Variants in ROBO2 observed in about 807,000 individuals in gnomAD.
ROBO2 encodes roundabout homolog 2.
A neutral mutation model predicts 160.8 loss-of-function variants in ROBO2; 53 were observed. The observed-to-expected ratio is 0.33, with a 90% CI of 0.26 to 0.41. ROBO2 has a LOEUF of 0.41. Among genes scored for constraint, ROBO2 ranks in the 10% least tolerant of loss-of-function variants. The pLI is 1.00. For missense variants in ROBO2, 1,577 were observed against 1,722.4 expected, an observed-to-expected ratio of 0.92 and a Z score of 1.49; for synonymous variants, 664 against 611.7, an observed-to-expected ratio of 1.09 and a Z score of -1.26.
chr3:76,982,497 G>A (rs1274944400), intron 2 of ROBO2, among the ~76,000 whole-genome samples: 2 of 152,086 alleles, frequency 1.3e-5, no homozygotes, highest in African/African-American at 4.8e-5. Context: ...TTTTGAAATT[G>A]AGAAATGTGA....
intron 2 of ROBO2, among the ~76,000 whole-genome samples, chr3:76,593,254 G>A (rs1293646417): frequency 6.6e-6 from 1 of 152,004 alleles, no homozygotes; most frequent in Admixed American, 6.6e-5. Flanking sequence ...TAAGAATGCT[G>A]TAATCCCAGC....
chr3:76,895,149 A>G (rs1290918969), intron 2 of ROBO2, among the ~76,000 whole-genome samples: 2 of 151,794 alleles, frequency 1.3e-5, no homozygotes, highest in Non-Finnish European at 2.9e-5. Context: ...CTTCTTTCTT[A>G]CATTCTCTTG....
chr3:76,771,235 G>A lies in ROBO2; in HGVS notation c.110-326779G>A, dbSNP rs79427898. 4.4e-4 allele frequency among the ~76,000 whole-genome samples: 67 copies of A among 151,258 alleles called. No homozygotes were observed. The East Asian group carries it at 0.012, about 27-fold the overall frequency. ...GACACAAAAAAAGAGTACAAAACAT[G>A]CCACCGATGATCTTCTTACATTGAT... On this transcript the variant is annotated intron_variant, in intron 2 of 26. Transcript: ENST00000487694.
intron 2 of ROBO2, among the ~76,000 whole-genome samples, chr3:76,993,795 C>T (rs1236819404): frequency 6.6e-6 from 1 of 151,976 alleles, no homozygotes; most frequent in Admixed American, 6.6e-5. Flanking sequence ...ATATTTATCT[C>T]CAAATACCCA....
intron 5 of ROBO2, among the ~76,000 whole-genome samples, chr3:77,517,936 G>C (rs1307979657): frequency 6.6e-6 from 1 of 151,458 alleles, no homozygotes; most frequent in Non-Finnish European, 1.5e-5. Context: ...TCTACTAAGA[G>C]TCTTGGAACA....
chr3:76,653,589 T>C (rs191283961), intron 2 of ROBO2, among the ~76,000 whole-genome samples: 2 of 152,172 alleles, frequency 1.3e-5, no homozygotes, highest in Non-Finnish European at 2.9e-5. Flanking sequence ...TTTTTTTAAA[T>C]TATACACACA....
At chr3:76,918,032 C>A (rs1235626897) in intron 2 of ROBO2, among the ~76,000 whole-genome samples, 1 of 152,042 alleles carries the variant, frequency 6.6e-6, no homozygotes, top group Non-Finnish European at 1.5e-5. Flanking sequence ...GGGCCCTGTG[C>A]AAAATGAAAG....
intron 2 of ROBO2, among the ~76,000 whole-genome samples, chr3:75,970,640 T>C (rs2064965987): frequency 6.6e-6 from 1 of 151,608 alleles, no homozygotes; most frequent in Non-Finnish European, 1.5e-5. Context: ...TACAAGACTA[T>C]AATGTCTTTA....
intron 1 of ROBO2, among the ~76,000 whole-genome samples, chr3:77,082,982 C>T (rs1353010689): frequency 6.6e-6 from 1 of 152,094 alleles, no homozygotes; most frequent in Non-Finnish European, 1.5e-5. Context: ...GGATTCATAT[C>T]TGAGGCAGTT....
chr3:75,994,668 A>G (rs575974225), intron 2 of ROBO2, among the ~76,000 whole-genome samples: 10 of 152,326 alleles, frequency 6.6e-5, no homozygotes, highest in African/African-American at 2.4e-4. Flanking sequence ...GTAAAAATGG[A>G]CTAATACAGT....
exon 25 of ROBO2, chr3:77,644,705 G>T (rs1160932068): frequency 6.2e-7 from 1 of 1,613,802 alleles, no homozygotes; most frequent in Admixed American, 1.7e-5. Context: ...CTTTTTCAGA[G>T]GAGGCCTTGG....
At chr3:76,411,937 G>A (rs576417781) in intron 2 of ROBO2, among the ~76,000 whole-genome samples, 1 of 152,238 alleles carries the variant, frequency 6.6e-6, no homozygotes, top group Non-Finnish European at 1.5e-5. Context: ...TTATCCTGTG[G>A]AAGTATGTGC....
At chr3:77,219,468 G>GTATATATATATATAATCTGTATATATATA in intron 2 of ROBO2, among the ~76,000 whole-genome samples, 2 of 122,230 alleles carry the variant, frequency 1.6e-5, no homozygotes, top group Middle Eastern at 5.6e-3. Flanking sequence ...ATGTATCTGT[G>GTATATATATATATAATCTGTATATATATA]TATATATATA....
intron 2 of ROBO2, among the ~76,000 whole-genome samples, chr3:76,871,553 CAAAAAAAGAA>C (rs940955694): frequency 4.0e-4 from 34 of 84,584 alleles, no homozygotes; most frequent in South Asian, 2.1e-3. Flanking sequence ...GACTCCGTCT[CAAAAAAAGAA>C]AAAAAAAGAA....
intron 2 of ROBO2, among the ~76,000 whole-genome samples, chr3:77,146,525 A>G (rs1579380722): frequency 6.6e-6 from 1 of 152,316 alleles, no homozygotes; most frequent in East Asian, 1.9e-4. Context: ...CTTCAATTAC[A>G]TAGAGAATTA....
chr3:76,730,958 CTCCTCACCTCCTACTCCCTACCCGCTTG>C (rs1560460109), intron 2 of ROBO2, among the ~76,000 whole-genome samples: 3 of 3,538 alleles, frequency 8.5e-4, no homozygotes, highest in East Asian at 3.9e-3. Context: ...CTACCCGCTT[CTCCTCACCTCCTACTCCCTACCCGCTTG>C]TCCTCACCTC....
At chr3:76,180,114 A>G (rs1208225973) in intron 2 of ROBO2, among the ~76,000 whole-genome samples, 1 of 152,136 alleles carries the variant, frequency 6.6e-6, no homozygotes, top group Non-Finnish European at 1.5e-5. Flanking sequence ...GATCAAAGGT[A>G]TTTCCTCAGT....
At chr3:77,350,773 G>C (rs1581249372) in intron 2 of ROBO2, among the ~76,000 whole-genome samples, 1 of 152,234 alleles carries the variant, frequency 6.6e-6, no homozygotes, top group East Asian at 1.9e-4. Context: ...TGTCGTTAAG[G>C]TCACTTGCAA....
intron 2 of ROBO2, among the ~76,000 whole-genome samples, chr3:76,133,449 A>G (rs1297158196): frequency 1.3e-5 from 2 of 151,656 alleles, no homozygotes; most frequent in Admixed American, 1.3e-4. Flanking sequence ...GGACAGAACT[A>G]ATAGAATAGA....
Sources: allele counts gnomAD v4.1 joint callset (sites outside exome capture counted in the v4.1 genomes callset), GRCh38; gene constraint gnomAD v4.1.1; transcripts MANE v1.5; gene names NCBI Gene and HGNC (gene_info 2026-07-23, HGNC 2026-07-21).